The following SNTB2 variants were observed in gnomAD, a reference collection of about 807,000 sequenced individuals.
SNTB2 encodes the protein syntrophin beta 2.
A neutral mutation model predicts 46.2 loss-of-function variants in SNTB2; 34 were observed. The ratio of observed to expected loss-of-function variants is 0.74; its 90% confidence interval spans 0.56 to 0.98. The LOEUF is 0.98. Ranked by LOEUF, SNTB2 falls within the 50% of genes least tolerant of loss-of-function variation. The pLI, the probability that SNTB2 is intolerant of heterozygous loss-of-function variation, is 0.00. For missense variants in SNTB2, 603 were observed against 731.4 expected, an observed-to-expected ratio of 0.82 and a Z score of 2.02; for synonymous variants, 290 against 312.6, an observed-to-expected ratio of 0.93 and a Z score of 0.76.
At chr16:69,232,663 C>T (rs191194853) in intron 1 of SNTB2, among the ~76,000 whole-genome samples, 1 of 151,150 alleles carries the variant, frequency 6.6e-6, no homozygotes, top group East Asian at 2.0e-4. Context: ...AGGCGTGCGC[C>T]AACACACCCA....
chr16:69,299,396 C>T (rs1331511429), intron 5 of SNTB2, among the ~76,000 whole-genome samples, 194 bp from the exon 6 acceptor site: 1 of 152,180 alleles, frequency 6.6e-6, no homozygotes, highest in Non-Finnish European at 1.5e-5. Flanking sequence ...CTGCCTCGGC[C>T]TCCCAAAGTG....
At chr16:69,210,598 A>C (rs929450682) in intron 1 of SNTB2, among the ~76,000 whole-genome samples, 2 of 151,888 alleles carry the variant, frequency 1.3e-5, no homozygotes, top group Non-Finnish European at 2.9e-5. Flanking sequence ...CAGTAGTGTG[A>C]TCAGCTTGGA....
At chr16:69,281,129 GT>G (rs1965039054) in intron 4 of SNTB2, among the ~76,000 whole-genome samples, 2 of 152,000 alleles carry the variant, frequency 1.3e-5, no homozygotes, top group South Asian at 4.1e-4. Flanking sequence ...CAGATCAGAA[GT>G]TTTTAATTTT....
At chr16:69,257,773 C>G (rs976578790) in intron 2 of SNTB2, among the ~76,000 whole-genome samples, 1 of 152,154 alleles carries the variant, frequency 6.6e-6, no homozygotes, top group Non-Finnish European at 1.5e-5. Context: ...CTTCTATTTT[C>G]TAGAACTTTT....
intron 1 of SNTB2, among the ~76,000 whole-genome samples, chr16:69,203,699 A>G (rs1437848722): frequency 6.6e-6 from 1 of 152,118 alleles, no homozygotes; most frequent in African/African-American, 2.4e-5. Flanking sequence ...CATTTAAAAC[A>G]GTTTCCATAA....
intron 1 of SNTB2, among the ~76,000 whole-genome samples, chr16:69,227,580 T>G (rs907433889): frequency 6.6e-6 from 1 of 152,216 alleles, no homozygotes; most frequent in African/African-American, 2.4e-5. Context: ...GGAAAAAAGT[T>G]TAAAAAACTA....
chr16:69,235,146 G>C (rs1281811553), intron 1 of SNTB2, among the ~76,000 whole-genome samples: 2 of 152,150 alleles, frequency 1.3e-5, no homozygotes, highest in East Asian at 3.9e-4. Flanking sequence ...TGAGTAGCTG[G>C]GATTACAGGC....
chr16:69,225,010 AT>A (rs1252108834), intron 1 of SNTB2, among the ~76,000 whole-genome samples: 4 of 152,216 alleles, frequency 2.6e-5, no homozygotes, highest in African/African-American at 9.6e-5. Flanking sequence ...AGTATGTGTT[AT>A]GTAAGAATGA....
intron 1 of SNTB2, among the ~76,000 whole-genome samples, chr16:69,212,701 C>T (rs533014687): frequency 6.6e-6 from 1 of 151,878 alleles, no homozygotes; most frequent in Admixed American, 6.6e-5. Context: ...ATGGCACGAT[C>T]TTGGCTCACC....
At chr16:69,191,890 C>T (rs112548519) in intron 1 of SNTB2, among the ~76,000 whole-genome samples, 4,726 of 152,246 alleles carry the variant, frequency 0.031, 258 homozygotes, top group African/African-American at 0.11. Flanking sequence ...ATCTGCCTGC[C>T]TCAGCCTCCC....
intron 1 of SNTB2, among the ~76,000 whole-genome samples, chr16:69,195,645 A>G (rs1417689812): frequency 6.6e-6 from 1 of 152,118 alleles, no homozygotes; most frequent in South Asian, 2.1e-4. Flanking sequence ...ATAGTCAGCT[A>G]AGATGGTGCC....
At chr16:69,208,914 C>G (rs967524623) in intron 1 of SNTB2, among the ~76,000 whole-genome samples, 5 of 151,724 alleles carry the variant, frequency 3.3e-5, no homozygotes, top group African/African-American at 9.7e-5. Context: ...GTACCTTACT[C>G]AAATATTTGT....
chr16:69,258,602 T>C (rs1054012823), intron 2 of SNTB2, among the ~76,000 whole-genome samples: 3 of 147,046 alleles, frequency 2.0e-5, no homozygotes, highest in Non-Finnish European at 4.5e-5. Context: ...TTTCTTGTTC[T>C]TTCTTTTTTT....
At chr16:69,297,329 AAAAAAG>A (rs1427404657) in intron 5 of SNTB2, among the ~76,000 whole-genome samples, 1 of 146,746 alleles carries the variant, frequency 6.8e-6, no homozygotes, top group Non-Finnish European at 1.5e-5. Context: ...AAAAAAAAAA[AAAAAAG>A]GAGGCCGGGC....
chr16:69,219,812 G>A (rs756487401), intron 1 of SNTB2, among the ~76,000 whole-genome samples: 9 of 151,092 alleles, frequency 6.0e-5, no homozygotes, highest in Non-Finnish European at 1.0e-4. Context: ...GTGCAGTGGC[G>A]CGATCTTGGC....
chr16:69,201,116 A>G lies in SNTB2; in HGVS notation c.580+13370A>G, dbSNP rs1366182664. 2.6e-5 allele frequency among the ~76,000 whole-genome samples: 4 copies of G among 152,258 alleles called. No homozygotes were observed. In the East Asian group the frequency reaches 5.8e-4, roughly 22 times the overall value. The stretch of plus-strand genomic sequence containing the variant: ...TGAAAGCAGAACATTCAGGAAAGCC[A>G]TAGGAAAACAGCATCCTGGCTTAAA... On this transcript the variant is annotated intron_variant, in intron 1 of 6. Coordinates refer to ENST00000336278, the MANE Select transcript of SNTB2 (RefSeq NM_006750.4).
At chr16:69,224,581 A>G (rs765591061) in intron 1 of SNTB2, among the ~76,000 whole-genome samples, 2 of 152,184 alleles carry the variant, frequency 1.3e-5, no homozygotes, top group Non-Finnish European at 2.9e-5. Flanking sequence ...ACTTTTGCCC[A>G]GTAATTTTAG....
chr16:69,251,347 C>G (rs1261797094), intron 2 of SNTB2, among the ~76,000 whole-genome samples: 1 of 150,684 alleles, frequency 6.6e-6, no homozygotes, highest in East Asian at 2.0e-4. Context: ...AATAAAGTTA[C>G]TGAATATTTT....
intron 1 of SNTB2, among the ~76,000 whole-genome samples, chr16:69,215,470 G>T (rs74917892): frequency 0.05 from 7,571 of 152,220 alleles, 262 homozygotes; most frequent in Non-Finnish European, 0.071. Context: ...ACTCATTCCA[G>T]GTACTTCTTT....
Sources: allele counts gnomAD v4.1 joint callset (sites outside exome capture counted in the v4.1 genomes callset), GRCh38; gene constraint gnomAD v4.1.1; transcripts MANE v1.5; gene names NCBI Gene and HGNC (gene_info 2026-07-23, HGNC 2026-07-21).